The following FRMPD4 variants were observed in gnomAD, a reference collection of about 807,000 sequenced individuals.
FRMPD4 encodes the protein FERM and PDZ domain-containing protein 4.
In FRMPD4, 22 loss-of-function variants were observed where a neutral mutation model predicts 94.1. The observed-to-expected ratio is 0.23, with a 90% CI of 0.17 to 0.33. The LOEUF is 0.33. Ranked by LOEUF, FRMPD4 falls within the 10% of genes least tolerant of loss-of-function variation. The pLI is 1.00. For synonymous variants in FRMPD4, 631 were observed against 548.6 expected (o/e 1.15, Z -2.10); for missense variants, 1,111 against 1,339.9 (o/e 0.83, Z 2.67).
chrX:11,964,182 C>G (rs946328294), intron 3 of FRMPD4, among the ~76,000 whole-genome samples: 3 of 109,548 alleles, frequency 2.7e-5, no homozygotes, highest in Non-Finnish European at 5.7e-5. Context: ...TTGTTTGAGA[C>G]AGAGTCTCAC....
intron 1 of FRMPD4, among the ~76,000 whole-genome samples, chrX:12,427,175 A>C (rs2056955531): frequency 8.9e-6 from 1 of 112,100 alleles, no homozygotes; most frequent in African/African-American, 3.2e-5. Context: ...AAGGATAATT[A>C]ATTGGTTGCT....
intron 4 of FRMPD4, among the ~76,000 whole-genome samples, chrX:12,619,296 G>A (rs1448709035): frequency 6.2e-5 from 7 of 112,124 alleles, no homozygotes; most frequent in Non-Finnish European, 5.6e-5. Flanking sequence ...TTCCTGGGTA[G>A]CGGTAGTGTT....
chrX:12,167,874 A>C (rs1348744460), intron 1 of FRMPD4, among the ~76,000 whole-genome samples: 1 of 111,968 alleles, frequency 8.9e-6, no homozygotes, highest in East Asian at 2.8e-4. Flanking sequence ...AAAGAATTCT[A>C]TCTGGGATGG....
chrX:11,974,409 G>A (rs1041316424), intron 3 of FRMPD4, among the ~76,000 whole-genome samples: 2 of 111,939 alleles, frequency 1.8e-5, no homozygotes, highest in Non-Finnish European at 3.8e-5. Flanking sequence ...GCCATGAGTG[G>A]AAGCAGCCTG....
At chrX:12,382,579 A>ATAGCATAGCATAGCATAGCAT (rs1569254255) in intron 1 of FRMPD4, among the ~76,000 whole-genome samples, 1 of 108,450 alleles carries the variant, frequency 9.2e-6, no homozygotes, top group African/African-American at 3.3e-5. Context: ...ATAGCATAGC[A>ATAGCATAGCATAGCATAGCAT]AGCAATAATT....
chrX:12,028,775 G>A (rs1688072256), intron 3 of FRMPD4, among the ~76,000 whole-genome samples: 1 of 111,623 alleles, frequency 9.0e-6, no homozygotes, highest in South Asian at 3.8e-4. Context: ...TTAGTAATAT[G>A]TATTTAAGTT....
chrX:12,621,966 AAG>A (rs1446243637), intron 4 of FRMPD4, among the ~76,000 whole-genome samples: 13 of 63,139 alleles, frequency 2.1e-4, no homozygotes, highest in Admixed American at 1.4e-3. Context: ...GAAAGAAAGA[AAG>A]AGAAAGAAAG....
At chrX:12,277,081 A>G (rs2054452019) in intron 1 of FRMPD4, among the ~76,000 whole-genome samples, 1 of 100,172 alleles carries the variant, frequency 1.0e-5, no homozygotes, top group Non-Finnish European at 2.0e-5. Flanking sequence ...AGATCCCGCC[A>G]CTGCACTCCA....
At chrX:12,066,811 T>A (rs1204614282) in intron 3 of FRMPD4, among the ~76,000 whole-genome samples, 1 of 108,019 alleles carries the variant, frequency 9.3e-6, no homozygotes, top group Non-Finnish European at 1.9e-5. Flanking sequence ...TTTTCTCTAG[T>A]TTATATTCCA....
intron 2 of FRMPD4, among the ~76,000 whole-genome samples, chrX:12,505,504 G>A (rs190763141): frequency 7.7e-4 from 85 of 110,810 alleles, no homozygotes; most frequent in Non-Finnish European, 1.1e-3. Context: ...GAGGTGGGCG[G>A]ATCACCTGAG....
chrX:12,710,332 G>C, intron 13 of FRMPD4, 67 bp from the exon 14 acceptor site: 1 of 880,004 alleles, frequency 1.1e-6, no homozygotes, highest in Admixed American at 2.7e-5. Flanking sequence ...CATAAATGCA[G>C]CTGTTGACAC....
intron 2 of FRMPD4, among the ~76,000 whole-genome samples, chrX:12,588,119 G>A (rs1302208824): frequency 1.8e-5 from 2 of 111,874 alleles, no homozygotes; most frequent in Admixed American, 1.9e-4. Flanking sequence ...CTCCTGAGTA[G>A]CTGGGATTAC....
At chrX:12,475,331 C>T (rs2057580664) in intron 1 of FRMPD4, among the ~76,000 whole-genome samples, 1 of 111,888 alleles carries the variant, frequency 8.9e-6, no homozygotes, top group South Asian at 3.7e-4. Context: ...TAAGAGCTAT[C>T]TATGACAAAC....
At chrX:11,967,763 T>TTG (rs1421153908) in intron 3 of FRMPD4, among the ~76,000 whole-genome samples, 50 of 101,109 alleles carry the variant, frequency 4.9e-4, no homozygotes, top group African/African-American at 1.7e-3. Context: ...TGTGTTTTTT[T>TTG]TTTTTTTTTT....
At chrX:12,377,328 G>T (rs1301285694) in intron 1 of FRMPD4, among the ~76,000 whole-genome samples, 1 of 112,345 alleles carries the variant, frequency 8.9e-6, no homozygotes, top group East Asian at 2.8e-4. Flanking sequence ...ATGTTTTCCT[G>T]CACTGCCGGT....
At chrX:12,241,987 A>G (rs866050384) in intron 1 of FRMPD4, among the ~76,000 whole-genome samples, 3 of 109,654 alleles carry the variant, frequency 2.7e-5, no homozygotes, top group Non-Finnish European at 5.7e-5. Context: ...AAGAGGAAGA[A>G]GAAGAAGAAG....
intron 3 of FRMPD4, among the ~76,000 whole-genome samples, chrX:12,089,130 G>C (rs937996481): frequency 8.9e-6 from 1 of 111,903 alleles, no homozygotes; most frequent in East Asian, 2.8e-4. Flanking sequence ...TCAGATAATT[G>C]TAATCATTCA....
intron 3 of FRMPD4, among the ~76,000 whole-genome samples, chrX:11,956,889 A>G (rs770685844): frequency 9.8e-5 from 11 of 112,322 alleles, no homozygotes; most frequent in Non-Finnish European, 1.5e-4. Flanking sequence ...CTCAGAGTCA[A>G]TCAGCCTTAA....
chrX:11,888,195 G>A (rs2053856252), intron 3 of FRMPD4, among the ~76,000 whole-genome samples: 1 of 111,639 alleles, frequency 9.0e-6, no homozygotes, highest in Non-Finnish European at 1.9e-5. Context: ...ACTAGGATGT[G>A]GATGAGAGGG....
Sources: gnomAD v4.1 joint callset for allele counts (sites outside exome capture counted in the v4.1 genomes callset) on GRCh38, gnomAD v4.1.1 for gene constraint, MANE v1.5 for transcripts, NCBI Gene and HGNC (gene_info 2026-07-23, HGNC 2026-07-21) for gene names.